NBAS: variants seen among roughly 807,000 people sequenced by gnomAD.
NBAS encodes the protein NBAS subunit of NRZ tethering complex.
Under a neutral mutation model 302.5 loss-of-function variants are expected in NBAS, and 219 were observed. The ratio of observed to expected loss-of-function variants is 0.72; its 90% confidence interval spans 0.65 to 0.81. NBAS has a LOEUF of 0.81. Ranked by LOEUF, NBAS falls within the 30% of genes least tolerant of loss-of-function variation. The pLI is 0.00. For synonymous variants in NBAS, 1,118 were observed against 1,021.6 expected, an observed-to-expected ratio of 1.09 and a Z score of -1.80; for missense variants, 2,932 against 2,841.6, an observed-to-expected ratio of 1.03 and a Z score of -0.72.
chr2:15,007,399 A>G, the NBAS span, among the ~76,000 whole-genome samples: 6 of 152,156 alleles, frequency 3.9e-5, no homozygotes, highest in Admixed American at 3.3e-4. Context: ...TTTATTCATG[A>G]TTTTTAAATT....
intron 48 of NBAS, 112 bp from the exon 49 acceptor site, chr2:15,190,515 T>C: frequency 7.7e-7 from 1 of 1,296,042 alleles, no homozygotes; most frequent in Non-Finnish European, 1.1e-6. Flanking sequence ...TTACAATGTG[T>C]TAAGATTCAA....
the NBAS span, among the ~76,000 whole-genome samples, chr2:14,975,905 G>A: frequency 6.6e-6 from 1 of 152,148 alleles, no homozygotes; most frequent in Non-Finnish European, 1.5e-5. Flanking sequence ...ACATATGTGT[G>A]GTTTATGAAG....
In NBAS at chr2:15,190,392, A is replaced by C. The variant is rs766395443; in HGVS notation, c.6444T>G (p.Ala2148=). ...AGCGGTTCTCTTCATTCTCAATGTC[A>C]GCTATGTCTACCTGGAAGAAGAAAT... is the stretch of plus-strand genomic sequence containing the variant. ...ASWPQRQVDI[A]DIENEENRYC... is the part of the protein sequence containing the mutation. The change falls in exon 49 of 52, where the codon GCT becomes GCG. Residue 2148 remains alanine, a synonymous_variant. Coordinates refer to ENST00000281513, the MANE Select transcript of NBAS (RefSeq NM_015909.4). 1 of 1,613,940 alleles carries C rather than the reference A, an allele frequency of 6.2e-7. No individual in the cohort carries two copies. The highest frequency in any genetic ancestry group is 1.7e-5 in the Admixed American group (1 of 60,012).
At chr2:15,104,838 C>T in the NBAS span, among the ~76,000 whole-genome samples, 1 of 152,100 alleles carries the variant, frequency 6.6e-6, no homozygotes, top group Admixed American at 6.6e-5. Context: ...TTGTTGGCCA[C>T]ATAAATGTCT....
At chr2:15,453,705 T>C (rs1679123561) in intron 21 of NBAS, among the ~76,000 whole-genome samples, 1 of 152,184 alleles carries the variant, frequency 6.6e-6, no homozygotes, top group African/African-American at 2.4e-5. Context: ...CTTTGAATCA[T>C]CAAATAACCT....
chr2:14,861,260 C>T, the NBAS span, among the ~76,000 whole-genome samples: 3 of 152,190 alleles, frequency 2.0e-5, no homozygotes, highest in African/African-American at 7.2e-5. Context: ...GGGAGTTATT[C>T]TGAATACTTA....
At chr2:15,406,862 G>C (rs1421530775) in intron 25 of NBAS, among the ~76,000 whole-genome samples, 1 of 152,078 alleles carries the variant, frequency 6.6e-6, no homozygotes, top group African/African-American at 2.4e-5. Context: ...TATCACATTG[G>C]CACAAATTTT....
chr2:15,447,017 G>A (rs902208170), intron 21 of NBAS, among the ~76,000 whole-genome samples: 1 of 151,902 alleles, frequency 6.6e-6, no homozygotes, highest in Non-Finnish European at 1.5e-5. Flanking sequence ...GAGACAAGTA[G>A]CAAACAAATA....
At chr2:15,524,921 T>C (rs1391556627) in intron 9 of NBAS, among the ~76,000 whole-genome samples, 1 of 152,160 alleles carries the variant, frequency 6.6e-6, no homozygotes, top group Admixed American at 6.6e-5. Context: ...TCTTGGACAC[T>C]CTTGCCTGTT....
intron 32 of NBAS, among the ~76,000 whole-genome samples, chr2:15,360,648 C>G (rs62119535): frequency 1.2e-5 from 1 of 81,350 alleles, no homozygotes; most frequent in Non-Finnish European, 2.9e-5. Context: ...CCATGACCAG[C>G]CTTTTTTTTT....
intron 9 of NBAS, among the ~76,000 whole-genome samples, chr2:15,518,311 A>AT (rs1042723888): frequency 2.6e-5 from 4 of 152,082 alleles, no homozygotes; most frequent in African/African-American, 4.8e-5. Context: ...TAATTATTAG[A>AT]TTTTTTTAAG....
chr2:15,355,891 T>C lies in NBAS; in HGVS notation c.3931+412A>G, dbSNP rs116581235. Among the ~76,000 whole-genome samples, 758 of 152,292 alleles carry C rather than the reference T, an allele frequency of 5.0e-3. 10 individuals are homozygous for C. Among genetic ancestry groups the C allele is most frequent in the African/African-American group, 0.017 (702 of 41,548 alleles). ...TTACCCAGTCTCAGGTATTTCTTTA[T>C]AGCAGTGTGAGAACGAAATAATACA... On this transcript the variant is annotated intron_variant, in intron 33 of 51. Coordinates refer to ENST00000281513, the MANE Select transcript of NBAS (RefSeq NM_015909.4).
intron 38 of NBAS, among the ~76,000 whole-genome samples, chr2:15,317,959 G>C (rs945307427): frequency 2.8e-4 from 42 of 152,088 alleles, no homozygotes; most frequent in African/African-American, 9.9e-4. Context: ...GATTCACCAA[G>C]GTTGAAATAA....
At chr2:15,202,863 T>C (rs1558433412) in intron 48 of NBAS, among the ~76,000 whole-genome samples, 2 of 152,186 alleles carry the variant, frequency 1.3e-5, no homozygotes, top group Non-Finnish European at 2.9e-5. Context: ...AAACAGCTGC[T>C]ATTGAAACTA....
intron 35 of NBAS, among the ~76,000 whole-genome samples, chr2:15,342,951 G>A (rs1044349241): frequency 1.3e-5 from 2 of 150,896 alleles, no homozygotes; most frequent in Non-Finnish European, 2.9e-5. Context: ...TACACTAACT[G>A]TGCTCTAAAT....
At chr2:14,787,035 G>C in the NBAS span, among the ~76,000 whole-genome samples, 1,099 of 152,300 alleles carry the variant, frequency 7.2e-3, 11 homozygotes, top group South Asian at 0.014. Flanking sequence ...ATTTAGGATA[G>C]TTAGCTCTTC....
chr2:14,819,037 G>C, the NBAS span, among the ~76,000 whole-genome samples: 1 of 152,164 alleles, frequency 6.6e-6, no homozygotes, highest in Non-Finnish European at 1.5e-5. Flanking sequence ...TGCCACTCCT[G>C]TAGGCTCTGT....
rs1014705918 is a variant in NBAS at position 15,357,276 on chromosome 2, C to T, written c.3818-860G>A. 8.5e-5 allele frequency among the ~76,000 whole-genome samples: 13 copies of T among 152,252 alleles called. No individual in the cohort carries two copies. In the East Asian group the frequency reaches 2.3e-3, roughly 27 times the overall value. On this transcript the variant is annotated intron_variant, in intron 32 of 51. Transcript: ENST00000281513. ...ACAACCAACTACAACTAGAGACTAC[C>T]CACATTAACTAATCAAGTATTTTCT... is the stretch of plus-strand genomic sequence containing the variant.
the NBAS span, among the ~76,000 whole-genome samples, chr2:14,908,896 G>A: frequency 6.6e-6 from 1 of 152,096 alleles, no homozygotes; most frequent in Admixed American, 6.5e-5. Flanking sequence ...CTGAGCCATA[G>A]CTATGTGTTA....
Sources: gnomAD v4.1 joint callset for allele counts (sites outside exome capture counted in the v4.1 genomes callset) on GRCh38, gnomAD v4.1.1 for gene constraint, MANE v1.5 for transcripts, NCBI Gene and HGNC (gene_info 2026-07-23, HGNC 2026-07-21) for gene names.